VSIG4: variants seen among roughly 807,000 people sequenced by gnomAD.
VSIG4 encodes V-set and immunoglobulin domain-containing protein 4.
In VSIG4, 34 loss-of-function variants were observed where a neutral mutation model predicts 23.4. That is an observed-to-expected ratio of 1.45 (90% CI 1.10 to 1.93). The LOEUF (loss-of-function observed/expected upper bound fraction) is 1.93. Ranked by LOEUF, VSIG4 falls within the 30% of genes most tolerant of loss-of-function variation. The pLI is 0.00. For synonymous variants in VSIG4, 169 were observed against 120.3 expected (o/e 1.41, Z -2.65); for missense variants, 433 against 310.8 (o/e 1.39, Z -2.96).
At position 66,022,155 on chromosome X, in the gene VSIG4, G is replaced by A. The variant is rs184751040; in HGVS notation, c.*108C>T. 1.1e-4 allele frequency: 133 copies of A among 1,201,118 alleles called. No individual in the cohort carries two copies. The highest frequency in any genetic ancestry group is 1.3e-4 in the Non-Finnish European group (118 of 890,498). ...CCCAGCGGCTCCAGTGTTGGTAGGC[G>A]GACACTTTGGGCTATCCAGGAAGAG... On this transcript the variant is annotated 3_prime_UTR_variant, in exon 8 of 8. Transcript: ENST00000374737.
At position 66,022,509 on chromosome X, in the gene VSIG4, C is replaced by G. The variant is rs183735491; in HGVS notation, c.963-9G>C. The G allele has an allele frequency of 4.1e-6, 5 of 1,208,814 alleles. No homozygotes were observed. The East Asian group carries it at 1.2e-4, about 29-fold the overall frequency. On this transcript the variant is annotated splice_polypyrimidine_tract_variant and intron_variant, in intron 7 of 7. Transcript: ENST00000374737. ...CCTCTCTGGCATGTGCCCTATGGCCCAAGAGCCCACCACCCATAAGAAGGG... is the reference window on the plus strand; with the variant it reads ...CCTCTCTGGCATGTGCCCTATGGCCGAAGAGCCCACCACCCATAAGAAGGG...
chrX:66,032,527 G>A lies in VSIG4; in HGVS notation c.635C>T (p.Thr212Ile). 1.6e-6 allele frequency: 2 copies of A among 1,212,140 alleles called. No homozygotes were observed. Among genetic ancestry groups the A allele is most frequent in the East Asian group, 5.9e-5 (2 of 33,846 alleles). Reference sequence around the variant, plus strand: ...CTCAGAGCCAACCTGGCCCTTGGCAGTGCAGAAATAGGAGCCTGAGTCGGC... The same window carrying A: ...CTCAGAGCCAACCTGGCCCTTGGCAATGCAGAAATAGGAGCCTGAGTCGGC... The part of the protein sequence containing the change: ...VIADSGSYFC[T>I]AKGQVGSEQH... The change falls in exon 3 of 8, where the codon ACT becomes ATT. Residue 212 changes from threonine to isoleucine, a missense_variant. By Grantham distance (89) the Thr-to-Ile change is moderately conservative (BLOSUM62 -1). Coordinates refer to ENST00000374737, the MANE Select transcript of VSIG4 (RefSeq NM_007268.3).
intron 5 of VSIG4, among the ~76,000 whole-genome samples, chrX:66,027,092 G>A (rs2085400485): frequency 8.9e-6 from 1 of 111,735 alleles, no homozygotes; most frequent in African/African-American, 3.3e-5. Context: ...AAGAGCTCAA[G>A]CAATGACACT....
Position 66,025,131 on chromosome X carries a change from T to C in VSIG4, c.836-2A>G. On this transcript the variant is annotated splice_acceptor_variant, in intron 5 of 7. Transcript: ENST00000374737. LOFTEE classifies it high-confidence loss of function. ...TGGCAAAGACAGGCAGGCTCTTTCC[T>C]AGAGGGTAAAACAAGATCAAGTGGT... The C allele has an allele frequency of 8.6e-7, 1 of 1,167,504 alleles. No homozygotes were observed. Among genetic ancestry groups the C allele is most frequent in the Non-Finnish European group, 1.2e-6 (1 of 868,080 alleles).
rs1420885579 is a variant in VSIG4, at chrX:66,022,437, G to A, written c.1026C>T (p.Gly342=). ...ETMRVAIFAS[G]CSSDEPTSQN... ...GGGAAGTTGGCTCATCACTGGAGCA[G>A]CCACTTGCGAAGATGGCCACCCTCA... Residue 342 remains glycine (G), a synonymous_variant, in exon 8 of 8, where the codon GGC becomes GGT. Transcript: ENST00000374737. 3 of 1,210,849 alleles carry A rather than the reference G, an allele frequency of 2.5e-6. No homozygotes were observed. The highest frequency in any genetic ancestry group is 3.5e-5 in the African/African-American group (2 of 57,531).
At chrX:66,026,942 G>A (rs1301427474) in intron 5 of VSIG4, among the ~76,000 whole-genome samples, 1 of 111,340 alleles carries the variant, frequency 9.0e-6, no homozygotes, top group Non-Finnish European at 1.9e-5. Context: ...GTCATGTGAA[G>A]GCATACCAAC....
chrX:66,037,820 G>GCTGATAAGTATAT (rs2085635905), intron 1 of VSIG4, among the ~76,000 whole-genome samples: 3 of 66,523 alleles, frequency 4.5e-5, no homozygotes, highest in African/African-American at 2.4e-4. Context: ...ATACAGTATT[G>GCTGATAAGTATAT]AGCTTAATGT....
intron 1 of VSIG4, among the ~76,000 whole-genome samples, chrX:66,035,791 T>TC (rs2085531010): frequency 8.9e-6 from 1 of 112,258 alleles, no homozygotes; most frequent in Non-Finnish European, 1.9e-5. Flanking sequence ...TTTCCCAATG[T>TC]CCCTCCTCTT....
chrX:66,028,218 G>T, intron 3 of VSIG4, 106 bp from the exon 4 acceptor site: 1 of 651,180 alleles, frequency 1.5e-6, no homozygotes, highest in Non-Finnish European at 2.5e-6. Context: ...GTCCATACTT[G>T]GACCTGCCTC....
At chrX:66,028,829 C>T (rs1034822470) in intron 3 of VSIG4, among the ~76,000 whole-genome samples, 8 of 110,580 alleles carry the variant, frequency 7.2e-5, no homozygotes, top group Non-Finnish European at 1.5e-4. Flanking sequence ...CCTGAAAGAC[C>T]TGACTCAAAA....
rs970143136 is a variant in VSIG4, at chrX:66,022,210, G to A, written c.*53C>T. On this transcript the variant is annotated 3_prime_UTR_variant, in exon 8 of 8. Coordinates refer to ENST00000374737, the MANE Select transcript of VSIG4 (RefSeq NM_007268.3). Reference sequence around the variant, plus strand: ...AGCAGGGAAGAAGGCCATGCAGAAGGCAAGGACTGACTAGGCAATTATGTC... The same window carrying A: ...AGCAGGGAAGAAGGCCATGCAGAAGACAAGGACTGACTAGGCAATTATGTC... 3 of 1,211,752 alleles carry A rather than the reference G, an allele frequency of 2.5e-6. No homozygotes were observed. Among genetic ancestry groups the A allele is most frequent in the Non-Finnish European group, 3.4e-6 (3 of 895,420 alleles).
At position 66,022,189 on chromosome X, in the gene VSIG4, G is replaced by A. The variant is rs764370237; in HGVS notation, c.*74C>T. On this transcript the variant is annotated 3_prime_UTR_variant, in exon 8 of 8. Coordinates refer to ENST00000374737, the MANE Select transcript of VSIG4 (RefSeq NM_007268.3). ...GGGCTATCCAGGAAGAGAGGTAGCA[G>A]GGAAGAAGGCCATGCAGAAGGCAAG... 5.0e-6 allele frequency: 6 copies of A among 1,210,803 alleles called. No individual in the cohort carries two copies. In the Admixed American group the frequency reaches 1.3e-4, roughly 26 times the overall value.
chrX:66,022,914 G>C, intron 6 of VSIG4, 52 bp from the exon 7 acceptor site: 1 of 1,152,036 alleles, frequency 8.7e-7, no homozygotes, highest in Non-Finnish European at 1.2e-6. Flanking sequence ...AGTGGACAAA[G>C]GTCAATCATG....
chrX:66,024,880 C>T, intron 6 of VSIG4, 145 bp downstream of exon 6: 1 of 383,918 alleles, frequency 2.6e-6, no homozygotes, highest in Non-Finnish European at 4.5e-6. Context: ...GAACATCTGC[C>T]TCCCTGCACC....
chrX:66,022,549 T>G (rs771335907), intron 7 of VSIG4, 49 bp from the exon 8 acceptor site: 1 of 1,191,077 alleles, frequency 8.4e-7, no homozygotes, highest in Non-Finnish European at 1.1e-6. Flanking sequence ...GGGGCTGTGG[T>G]CCTGGTTTCC....
intron 6 of VSIG4, among the ~76,000 whole-genome samples, chrX:66,023,122 A>G (rs988553302): frequency 1.8e-5 from 2 of 110,422 alleles, no homozygotes; most frequent in African/African-American, 3.3e-5. Flanking sequence ...GGGCTGGAGC[A>G]GTTTCTCGGT....
chrX:66,036,764 AAT>A (rs2085555754), intron 1 of VSIG4, among the ~76,000 whole-genome samples: 2 of 42,980 alleles, frequency 4.7e-5, no homozygotes, highest in Non-Finnish European at 7.2e-5. Context: ...AATATAATAT[AAT>A]ATATATTATA....
At chrX:66,023,141 G>T (rs1569238229) in intron 6 of VSIG4, among the ~76,000 whole-genome samples, 2 of 110,719 alleles carry the variant, frequency 1.8e-5, no homozygotes, top group African/African-American at 3.3e-5. Flanking sequence ...GTATGGGTTG[G>T]GGGAGGGCAC....
intron 3 of VSIG4, among the ~76,000 whole-genome samples, chrX:66,028,770 C>T (rs994039847): frequency 9.2e-6 from 1 of 109,027 alleles, no homozygotes; most frequent in Non-Finnish European, 1.9e-5. Flanking sequence ...GTGAGCCCAA[C>T]AAACTTCATT....
Sources: allele counts gnomAD v4.1 joint callset (sites outside exome capture counted in the v4.1 genomes callset), GRCh38; gene constraint gnomAD v4.1.1; transcripts MANE v1.5; gene names NCBI Gene and HGNC (gene_info 2026-07-23, HGNC 2026-07-21).